Variants in HTRA1 observed in about 807,000 individuals in gnomAD.
HTRA1 encodes the protein serine protease HTRA1.
Under a neutral mutation model 49.7 loss-of-function variants are expected in HTRA1, and 26 were observed. That is an observed-to-expected ratio of 0.52 (90% CI 0.38 to 0.73). The LOEUF (loss-of-function observed/expected upper bound fraction) is 0.73. HTRA1 is among the 30% of genes least tolerant of loss of function. The pLI is 0.00. For synonymous variants in HTRA1, 291 were observed against 286.9 expected (o/e 1.01, Z -0.14); for missense variants, 561 against 667.2 (o/e 0.84, Z 1.75).
At chr10:122,513,597 AC>A (rs1419166168) in intron 8 of HTRA1, among the ~76,000 whole-genome samples, 1 of 138,618 alleles carries the variant, frequency 7.2e-6, no homozygotes, top group Non-Finnish European at 1.5e-5. Context: ...GGAGTTCGAG[AC>A]TAGCTTGGGC....
chr10:122,483,036 C>A (rs190418481), intron 1 of HTRA1, among the ~76,000 whole-genome samples: 1 of 150,978 alleles, frequency 6.6e-6, no homozygotes, highest in East Asian at 2.0e-4. Flanking sequence ...TTCATTTTTA[C>A]TGCAACAAAT....
chr10:122,507,984 C>T (rs1201091325), intron 5 of HTRA1, among the ~76,000 whole-genome samples: 1 of 152,100 alleles, frequency 6.6e-6, no homozygotes, highest in African/African-American at 2.4e-5. Flanking sequence ...TAGAGGGCAG[C>T]TCTGGGGCCA....
chr10:122,494,833 T>C lies in HTRA1; in HGVS notation c.777+5207T>C, dbSNP rs529043213. 1.3e-5 allele frequency among the ~76,000 whole-genome samples: 2 copies of C among 151,982 alleles called. No homozygotes were observed. The highest frequency in any genetic ancestry group is 2.9e-5 in the Non-Finnish European group (2 of 67,992). ...GATCCTCATCAAGTTCAGACGGGGGTCACTGCGGGTGAGGGGCCTGGGGCC... is the reference window on the plus strand; with the variant it reads ...GATCCTCATCAAGTTCAGACGGGGGCCACTGCGGGTGAGGGGCCTGGGGCC... On this transcript the variant is annotated intron_variant, in intron 3 of 8. Transcript: ENST00000368984. The surrounding 1 kb of genome is among the most constrained non-coding windows in gnomAD (Gnocchi z 4.0).
At chr10:122,469,945 A>T (rs1056029487) in intron 1 of HTRA1, among the ~76,000 whole-genome samples, 1 of 151,972 alleles carries the variant, frequency 6.6e-6, no homozygotes, top group Non-Finnish European at 1.5e-5. Flanking sequence ...TATATTTTGT[A>T]TGATTTCTAT....
intron 7 of HTRA1, among the ~76,000 whole-genome samples, chr10:122,510,992 T>C (rs1467964002): frequency 6.7e-6 from 1 of 149,678 alleles, no homozygotes. Context: ...TAGGGAAAGA[T>C]GGTAAGCCCT....
At chr10:122,511,503 C>T (rs1188174675) in intron 7 of HTRA1, among the ~76,000 whole-genome samples, 6 of 152,000 alleles carry the variant, frequency 3.9e-5, no homozygotes, top group Non-Finnish European at 7.4e-5. Flanking sequence ...GAGGCCAAGG[C>T]GGGCAGATCA....
At chr10:122,492,905 G>T in intron 3 of HTRA1, among the ~76,000 whole-genome samples, 1 of 152,152 alleles carries the variant, frequency 6.6e-6, no homozygotes, top group East Asian at 1.9e-4. Context: ...CTAACATGGT[G>T]AAGCTGCTGT....
At position 122,462,056 on chromosome 10, in the gene HTRA1, C is replaced by T. The variant is rs988755251; in HGVS notation, c.404C>T (p.Ala135Val). 2.0e-6 allele frequency: 3 copies of T among 1,533,704 alleles called. No individual in the cohort carries two copies. In the African/African-American group the frequency reaches 4.1e-5, roughly 21 times the overall value. ...TYANLCQLRAASRRSERLHRP... is the reference protein window; with the variant it reads ...TYANLCQLRAVSRRSERLHRP... ...GCCAACCTGTGCCAGCTGCGCGCCG[C>T]CAGCCGCCGCTCCGAGAGGCTGCAC... Residue 135 changes from alanine to valine, a missense_variant, in exon 1 of 9, where the codon GCC becomes GTC. Around this residue, in one of 3 missense-constraint regions of HTRA1, gnomAD observed 271 missense variants for 410.0 expected, o/e 0.66. Transcript: ENST00000368984.
intron 7 of HTRA1, 129 bp from the exon 8 acceptor site, chr10:122,511,841 G>T: frequency 1.4e-6 from 1 of 690,078 alleles, no homozygotes. Context: ...TTTTAAAATA[G>T]GATCAGAATT....
intron 8 of HTRA1, 107 bp from the exon 9 acceptor site, chr10:122,514,080 CCTGT>C: frequency 9.2e-7 from 1 of 1,084,454 alleles, no homozygotes; most frequent in Non-Finnish European, 1.4e-6. Flanking sequence ...ACCGTCCAAT[CCTGT>C]TTGCTCTGGG....
At chr10:122,507,142 T>C (rs1227114099) in intron 4 of HTRA1, among the ~76,000 whole-genome samples, 2 of 152,184 alleles carry the variant, frequency 1.3e-5, no homozygotes, top group African/African-American at 2.4e-5. Context: ...TGCAGTTGGC[T>C]TCTGGGCTTC....
intron 1 of HTRA1, among the ~76,000 whole-genome samples, chr10:122,468,402 G>GTCA (rs148200348): frequency 0.037 from 5,560 of 148,634 alleles, 132 homozygotes; most frequent in Admixed American, 0.055. Flanking sequence ...TGTTGTCATT[G>GTCA]TCATCATCAT....
chr10:122,495,489 G>A (rs919531012), intron 3 of HTRA1, among the ~76,000 whole-genome samples: 3 of 152,146 alleles, frequency 2.0e-5, no homozygotes, highest in Non-Finnish European at 4.4e-5. Context: ...GTCCAGAGGC[G>A]GGTGGGGACG....
Position 122,512,082 on chromosome 10 carries a change from T to A in HTRA1, c.1274+17T>A, listed in dbSNP as rs778703938. 22 of 1,526,958 alleles carry A rather than the reference T, an allele frequency of 1.4e-5. No individual in the cohort carries two copies. In the South Asian group the frequency reaches 2.3e-4, roughly 16 times the overall value. The allele number at this position is 1,526,958 out of a possible 1,614,324, so 94.6% of individuals were successfully genotyped here. ...AGCAGAAGCGTGAGTTGGAGTCGTT[T>A]TCTCTTTTCCCAATATTCTTGTTGT... On this transcript the variant is annotated intron_variant, in intron 8 of 8. Coordinates refer to ENST00000368984, the MANE Select transcript of HTRA1 (RefSeq NM_002775.5).
In HTRA1 at chr10:122,464,724, C is replaced by T. The variant is rs2097483129; in HGVS notation, c.472+2600C>T. Among the ~76,000 whole-genome samples, 1 of 152,200 alleles carries T rather than the reference C, an allele frequency of 6.6e-6. No individual in the cohort carries two copies. ...GGGAGCCAGCAGACTTCATTCAGTCCAAGCCAGGCTCCAGGACTCAACAGC... is the reference window on the plus strand; with the variant it reads ...GGGAGCCAGCAGACTTCATTCAGTCTAAGCCAGGCTCCAGGACTCAACAGC... On this transcript the variant is annotated intron_variant, in intron 1 of 8. Transcript: ENST00000368984. This position sits in a 1 kb window ranked among gnomAD's most constrained non-coding sequence, Gnocchi z 4.8.
At chr10:122,510,272 C>T (rs760806216) in intron 7 of HTRA1, 119 bp downstream of exon 7, 1 of 819,034 alleles carries the variant, frequency 1.2e-6, no homozygotes, top group East Asian at 2.5e-5. Context: ...TCAGTTTCTG[C>T]TTATAATGAA....
Position 122,506,549 on chromosome 10 carries a change from T to C in HTRA1, c.778-142T>C. 1 of 730,086 alleles carries C rather than the reference T, an allele frequency of 1.4e-6. No homozygotes were observed. Among genetic ancestry groups the C allele is most frequent in the South Asian group, 1.5e-5 (1 of 65,294 alleles). The allele number at this position is 730,086 out of a possible 1,614,324, so 45.2% of individuals were successfully genotyped here. ...AGTCCTGCCCGCAGCAAAGGGATGT[T>C]AGTTGTGAGCTCAGTTCCCCACCGG... On this transcript the variant is annotated intron_variant, in intron 3 of 8. Coordinates refer to ENST00000368984, the MANE Select transcript of HTRA1 (RefSeq NM_002775.5). This position sits in a 1 kb window ranked among gnomAD's most constrained non-coding sequence, Gnocchi z 5.2.
chr10:122,512,400 T>G (rs1372271147), intron 8 of HTRA1, among the ~76,000 whole-genome samples: 1 of 152,198 alleles, frequency 6.6e-6, no homozygotes, highest in African/African-American at 2.4e-5. Context: ...AGCCCTCACT[T>G]GGTGGTCCTT....
At chr10:122,505,740 T>G (rs2097502755) in intron 3 of HTRA1, among the ~76,000 whole-genome samples, 2 of 152,240 alleles carry the variant, frequency 1.3e-5, no homozygotes, top group Admixed American at 1.3e-4. Flanking sequence ...TTTCTGGGCC[T>G]GGTCCATGTT....
Sources: allele counts gnomAD v4.1 joint callset (sites outside exome capture counted in the v4.1 genomes callset), GRCh38; gene constraint gnomAD v4.1.1; regional missense constraint gnomAD v4.1.1; non-coding constraint Gnocchi (gnomAD v3.1); transcripts MANE v1.5; gene names NCBI Gene and HGNC (gene_info 2026-07-23, HGNC 2026-07-21).